Variants in MYT1L observed in about 807,000 individuals in gnomAD.
The protein encoded by MYT1L is myelin transcription factor 1-like protein.
MYT1L carries 12 observed loss-of-function variants against 126.7 expected under a neutral mutation model. The observed-to-expected ratio is 0.09, with a 90% CI of 0.06 to 0.15. The LOEUF is 0.15. Ranked by LOEUF, MYT1L falls within the 10% of genes least tolerant of loss-of-function variation. The probability of loss-of-function intolerance (pLI) is 1.00; values close to 1 mark genes in which losing one functional copy is unlikely to be tolerated. For missense variants in MYT1L, 979 were observed against 1,585.2 expected (o/e 0.62, Z 6.49); for synonymous variants, 541 against 604.2 (o/e 0.90, Z 1.53).
Position 1,791,597 on chromosome 2 carries a change from C to T in MYT1L, c.*270G>A, listed in dbSNP as rs1282996686. On this transcript the variant is annotated 3_prime_UTR_variant, in exon 25 of 25. Transcript: ENST00000647738. This position sits in a 1 kb window ranked among gnomAD's most constrained non-coding sequence, Gnocchi z 6.0. ...TTACCTCTTCAGAAATAGATATACC[C>T]CCAAATGTGCATACATCAGCAGCTA... 4 of 427,014 alleles carry T rather than the reference C, an allele frequency of 9.4e-6. No homozygotes were observed. The East Asian group carries it at 1.8e-4, about 19-fold the overall frequency. The allele number at this position is 427,014 out of a possible 1,614,324, so 26.5% of individuals were successfully genotyped here.
chr2:2,043,883 A>G (rs932704014), intron 4 of MYT1L, among the ~76,000 whole-genome samples: 6 of 152,252 alleles, frequency 3.9e-5, no homozygotes, highest in African/African-American at 1.2e-4. Context: ...AACATAAGGC[A>G]AAATTTTGAC....
chr2:2,138,920 C>A (rs2083498181), intron 3 of MYT1L, among the ~76,000 whole-genome samples: 1 of 151,818 alleles, frequency 6.6e-6, no homozygotes, highest in Non-Finnish European at 1.5e-5. Context: ...GCAGTAAAGG[C>A]ACACTGTGCT....
intron 13 of MYT1L, among the ~76,000 whole-genome samples, chr2:1,903,929 G>A (rs1440271049): frequency 6.9e-6 from 1 of 144,254 alleles, no homozygotes; most frequent in Non-Finnish European, 1.5e-5. Context: ...ACCATGTCGT[G>A]TGTGTGTGTG....
chr2:2,248,202 C>G (rs1219543999), intron 2 of MYT1L, among the ~76,000 whole-genome samples: 1 of 151,688 alleles, frequency 6.6e-6, no homozygotes, highest in East Asian at 1.9e-4. Flanking sequence ...GGAGTTATTA[C>G]AACTTATATC....
chr2:2,098,688 T>G (rs1338501158), intron 3 of MYT1L, among the ~76,000 whole-genome samples: 1 of 152,132 alleles, frequency 6.6e-6, no homozygotes, highest in Admixed American at 6.5e-5. Context: ...CAGTTAACCT[T>G]TGTAAAAGCA....
chr2:2,279,536 G>A (rs1205565249), intron 2 of MYT1L, among the ~76,000 whole-genome samples: 1 of 136,410 alleles, frequency 7.3e-6, no homozygotes, highest in Non-Finnish European at 1.6e-5. Context: ...GAAGGAGGAA[G>A]GAGAGAGAGA....
At chr2:2,288,222 C>A (rs1170516561) in intron 1 of MYT1L, among the ~76,000 whole-genome samples, 1 of 152,110 alleles carries the variant, frequency 6.6e-6, no homozygotes, top group African/African-American at 2.4e-5. Context: ...AGAAATGAGG[C>A]CCTGGGAAGA....
chr2:2,144,186 C>T (rs961395531), intron 3 of MYT1L, among the ~76,000 whole-genome samples: 1 of 152,106 alleles, frequency 6.6e-6, no homozygotes, highest in East Asian at 1.9e-4. Context: ...GAGGTTAGGC[C>T]GTCAGGTGGG....
chr2:2,011,437 A>C (rs965242232), intron 4 of MYT1L, among the ~76,000 whole-genome samples: 1 of 151,938 alleles, frequency 6.6e-6, no homozygotes, highest in Non-Finnish European at 1.5e-5. Context: ...AAGAAAAAAA[A>C]AAACTGTAAC....
chr2:2,089,482 GAT>G (rs907719248), intron 3 of MYT1L, among the ~76,000 whole-genome samples: 9 of 152,298 alleles, frequency 5.9e-5, no homozygotes, highest in African/African-American at 2.2e-4. Flanking sequence ...CAGAAATCTC[GAT>G]AGTGTTTCAT....
intron 19 of MYT1L, among the ~76,000 whole-genome samples, chr2:1,850,357 A>C (rs1397067146): frequency 6.6e-6 from 1 of 152,022 alleles, no homozygotes; most frequent in East Asian, 1.9e-4. Context: ...TAGAGAGCTG[A>C]AAGGGAGCAG....
chr2:1,910,376 T>C lies in MYT1L; in HGVS notation c.1710-29A>G, dbSNP rs1573484641. Reference sequence around the variant, plus strand: ...CAATCACAGAAAGCGGGTTGAATGGTCCCGCCTCAAACACCTTCACAGCAC... The same window carrying C: ...CAATCACAGAAAGCGGGTTGAATGGCCCCGCCTCAAACACCTTCACAGCAC... On this transcript the variant is annotated intron_variant, in intron 12 of 24. Transcript: ENST00000647738. The surrounding 1 kb of genome is among the most constrained non-coding windows in gnomAD (Gnocchi z 4.8). The C allele has an allele frequency of 1.3e-6, 2 of 1,580,010 alleles. No individual in the cohort carries two copies. The highest frequency in any genetic ancestry group is 1.7e-5 in the Admixed American group (1 of 59,832).
intron 21 of MYT1L, 52 bp downstream of exon 21, chr2:1,839,097 C>T (rs1031101732): frequency 8.1e-5 from 121 of 1,492,132 alleles, no homozygotes; most frequent in South Asian, 5.5e-4. Flanking sequence ...CCGTGCCAGT[C>T]GGCTCTCGGC....
chr2:2,199,125 G>T (rs1000565113), intron 2 of MYT1L, among the ~76,000 whole-genome samples: 5 of 152,164 alleles, frequency 3.3e-5, no homozygotes, highest in African/African-American at 1.2e-4. Context: ...GCTTTGGAAA[G>T]GTTCAGAAGT....
Position 1,889,105 on chromosome 2 carries a change from A to T in MYT1L, c.2520+136T>A. 1.6e-6 allele frequency: 1 copy of T among 637,622 alleles called. No homozygotes were observed. The highest frequency in any genetic ancestry group is 3.3e-5 in the Admixed American group (1 of 30,706). The allele number at this position is 637,622 out of a possible 1,614,324, so 39.5% of individuals were successfully genotyped here. A position where few individuals can be genotyped will look rare whatever the true frequency, so the allele number is the denominator to read the frequency against. On this transcript the variant is annotated intron_variant, in intron 16 of 24. Coordinates refer to ENST00000647738, the MANE Select transcript of MYT1L (RefSeq NM_001303052.2). This position sits in a 1 kb window ranked among gnomAD's most constrained non-coding sequence, Gnocchi z 4.1. The stretch of plus-strand genomic sequence containing the variant: ...TCTGGGTCAACAAAAACTGTTTTCT[A>T]AGTCCTCCTCAGCTAAAGGTCATAT...
At chr2:2,026,522 C>A (rs1413882287) in intron 4 of MYT1L, among the ~76,000 whole-genome samples, 1 of 152,230 alleles carries the variant, frequency 6.6e-6, no homozygotes, top group East Asian at 1.9e-4. Context: ...TAGCAGCCAA[C>A]CAGCTAATTG....
intron 1 of MYT1L, among the ~76,000 whole-genome samples, chr2:2,289,734 G>C (rs1318283725): frequency 6.6e-6 from 1 of 152,204 alleles, no homozygotes; most frequent in Non-Finnish European, 1.5e-5. Context: ...ACTGGGGTGA[G>C]AGCATGGCTG....
At chr2:1,874,736 T>C (rs13000443) in intron 18 of MYT1L, among the ~76,000 whole-genome samples, 2,446 of 152,276 alleles carry the variant, frequency 0.016, 39 homozygotes, top group Non-Finnish European at 0.027. Flanking sequence ...TGCAACCTGA[T>C]CCCACTTGCA....
In MYT1L at chr2:2,044,188, C is replaced by T. The variant is rs182558659; in HGVS notation, c.-158+9790G>A. Among the ~76,000 whole-genome samples, 11 of 152,252 alleles carry T rather than the reference C, an allele frequency of 7.2e-5. No individual in the cohort carries two copies. The East Asian group carries it at 2.1e-3, about 29-fold the overall frequency. On this transcript the variant is annotated intron_variant, in intron 4 of 24. Coordinates refer to ENST00000647738, the MANE Select transcript of MYT1L (RefSeq NM_001303052.2). ...CCTGTGCACTCCCATGTTAGCCATA[C>T]ACAAATAGATATATACAATGGCAAG... is the stretch of plus-strand genomic sequence containing the variant.
Sources: allele counts gnomAD v4.1 joint callset (sites outside exome capture counted in the v4.1 genomes callset), GRCh38; gene constraint gnomAD v4.1.1; non-coding constraint Gnocchi (gnomAD v3.1); transcripts MANE v1.5; gene names NCBI Gene and HGNC (gene_info 2026-07-23, HGNC 2026-07-21).